ZSWIM4: variants seen among roughly 807,000 people sequenced by gnomAD.
ZSWIM4 encodes the protein zinc finger SWIM domain-containing protein 4.
ZSWIM4 carries 62 observed loss-of-function variants against 102.5 expected under a neutral mutation model. That is an observed-to-expected ratio of 0.60 (90% CI 0.49 to 0.75). The LOEUF (loss-of-function observed/expected upper bound fraction) is 0.75, where lower values mean the gene tolerates loss of function less well. Among genes scored for constraint, ZSWIM4 ranks in the 30% least tolerant of loss-of-function variants. The pLI is 0.00. For missense variants in ZSWIM4, 1,280 were observed against 1,529.6 expected (o/e 0.84, Z 2.72); for synonymous variants, 652 against 674.5 (o/e 0.97, Z 0.52).
chr19:13,809,022 C>T lies in ZSWIM4; in HGVS notation c.861+38C>T, dbSNP rs1279223588. 4 of 1,605,944 alleles carry T rather than the reference C, an allele frequency of 2.5e-6. No homozygotes were observed. Among genetic ancestry groups the T allele is most frequent in the Non-Finnish European group, 3.4e-6 (4 of 1,174,568 alleles). ...CCGGCGGGGCGCGGGGTGCAGAAGG[C>T]CCCGGCGGACGCCCCAGCCCTTCCT... On this transcript the variant is annotated intron_variant, in intron 4 of 13. Transcript: ENST00000590508. The surrounding 1 kb of genome is among the most constrained non-coding windows in gnomAD (Gnocchi z 4.2).
In ZSWIM4 at chr19:13,817,904, C is replaced by T; in HGVS notation, c.1852C>T (p.Leu618=). The T allele has an allele frequency of 6.5e-7, 1 of 1,548,718 alleles. No homozygotes were observed. Among genetic ancestry groups the T allele is most frequent in the Non-Finnish European group, 8.7e-7 (1 of 1,145,694 alleles). ...GCGCAACGAGGAGCAGCTGCTGGCC[C>T]TGCTGGAGGAGGTGGAGTTGGATGA... ...VVRNEEQLLA[L]LEEVELDERL... Residue 618 remains leucine, a synonymous_variant, in exon 9 of 14, where the codon CTG becomes TTG. Transcript: ENST00000590508.
chr19:13,822,271 G>T (rs980763281), intron 10 of ZSWIM4, among the ~76,000 whole-genome samples: 1 of 151,730 alleles, frequency 6.6e-6, no homozygotes, highest in Non-Finnish European at 1.5e-5. Flanking sequence ...TTAGACAACA[G>T]ACTTTTCTAT....
chr19:13,828,186 A>C (rs940703922), intron 12 of ZSWIM4, among the ~76,000 whole-genome samples: 2 of 152,138 alleles, frequency 1.3e-5, no homozygotes, highest in African/African-American at 2.4e-5. Context: ...AGGCGGGCGG[A>C]TCACTTGAGG....
chr19:13,800,640 C>T lies in ZSWIM4; in HGVS notation c.355+719C>T, dbSNP rs571290077. On this transcript the variant is annotated intron_variant, in intron 2 of 13. Transcript: ENST00000590508. Reference sequence around the variant, plus strand: ...GCCGGGATGGTCTCGATCTCCTGACCTCGTGATCCCCCCACCTCGGCCTCC... The same window carrying T: ...GCCGGGATGGTCTCGATCTCCTGACTTCGTGATCCCCCCACCTCGGCCTCC... Among the ~76,000 whole-genome samples, 7 of 152,176 alleles carry T rather than the reference C, an allele frequency of 4.6e-5. No homozygotes were observed. In the South Asian group the frequency reaches 8.3e-4, roughly 18 times the overall value.
In ZSWIM4 at chr19:13,817,863, C is replaced by T. The variant is rs1436520190; in HGVS notation, c.1811C>T (p.Ala604Val). The change falls in exon 9 of 14, where the codon GCC becomes GTC. Residue 604 changes from alanine (A) to valine (V), a missense_variant. Ala to Val is a moderately conservative substitution (Grantham distance 64, BLOSUM62 0). Coordinates refer to ENST00000590508, the MANE Select transcript of ZSWIM4 (RefSeq NM_001367834.3). ...QQRALPEGLY[A>V]QDKVVRNEEQ... ...CGGGCCCTGCCGGAGGGGCTGTACG[C>T]CCAGGACAAGGTGGTGCGCAACGAG... The T allele has an allele frequency of 6.4e-7, 1 of 1,556,818 alleles. No individual in the cohort carries two copies. Among genetic ancestry groups the T allele is most frequent in the Middle Eastern group, 1.8e-4 (1 of 5,520 alleles).
intron 11 of ZSWIM4, among the ~76,000 whole-genome samples, chr19:13,824,534 C>G (rs556408479): frequency 1.1e-4 from 16 of 152,132 alleles, no homozygotes; most frequent in African/African-American, 3.6e-4. Flanking sequence ...GAGTTCGAGA[C>G]CAGCCTGGCC....
At chr19:13,810,571 G>A (rs187612565) in intron 5 of ZSWIM4, among the ~76,000 whole-genome samples, 236 of 151,856 alleles carry the variant, frequency 1.6e-3, no homozygotes, top group South Asian at 4.8e-3. Flanking sequence ...GATTACAGGC[G>A]TGAGCCACCA....
intron 1 of ZSWIM4, among the ~76,000 whole-genome samples, chr19:13,797,379 G>C (rs1226429342): frequency 6.6e-6 from 1 of 152,166 alleles, no homozygotes; most frequent in Non-Finnish European, 1.5e-5. Flanking sequence ...GGCATGGAAG[G>C]GAAACTGAGG....
At chr19:13,817,583 C>A in intron 8 of ZSWIM4, 139 bp from the exon 9 acceptor site, 2 of 1,191,044 alleles carry the variant, frequency 1.7e-6, no homozygotes, top group Non-Finnish European at 2.3e-6. Context: ...CGCGCTCCCC[C>A]AACCCCGTGA....
intron 12 of ZSWIM4, 77 bp from the exon 13 acceptor site, chr19:13,828,568 C>A: frequency 7.7e-7 from 1 of 1,304,678 alleles, no homozygotes; most frequent in Non-Finnish European, 1.1e-6. Flanking sequence ...TTTCTGGGGT[C>A]CTCCATCTCC....
At position 13,799,843 on chromosome 19, in the gene ZSWIM4, G is replaced by A. The variant is rs1052933518; in HGVS notation, c.277G>A (p.Glu93Lys). 2 of 1,613,834 alleles carry A rather than the reference G, an allele frequency of 1.2e-6. No individual in the cohort carries two copies. The highest frequency in any genetic ancestry group is 1.7e-6 in the Non-Finnish European group (2 of 1,180,004). Residue 93 changes from glutamate to lysine, a missense_variant, in exon 2 of 14, where the codon GAG becomes AAG. Physicochemically the swap from Glu to Lys is moderately conservative, Grantham distance 56. Transcript: ENST00000590508. ...SSLGYPPPEG[E>K]HDARVPFTRG... ...GCTGGGTTACCCGCCCCCAGAGGGC[G>A]AGCACGATGCCCGGGTGCCCTTTAC...
At position 13,795,443 on chromosome 19, in the gene ZSWIM4, A is replaced by C; in HGVS notation, c.-206A>C. On this transcript the variant is annotated 5_prime_UTR_variant, in exon 1 of 14. Transcript: ENST00000590508. ...CTAAAGCGGCGGCTGAAGCAGCTTCATTGTTGTGAAGAGTCTTAAAGGGGC... is the reference window on the plus strand; with the variant it reads ...CTAAAGCGGCGGCTGAAGCAGCTTCCTTGTTGTGAAGAGTCTTAAAGGGGC... 5.2e-6 allele frequency: 1 copy of C among 192,922 alleles called. No individual in the cohort carries two copies. Among genetic ancestry groups the C allele is most frequent in the Non-Finnish European group, 1.0e-5 (1 of 95,842 alleles). 12.0% of individuals were successfully genotyped at this position (192,922 alleles called of 1,614,324 possible). A position where few individuals can be genotyped will look rare whatever the true frequency, so the allele number is the denominator to read the frequency against.
chr19:13,810,982 C>T (rs1490390286), intron 5 of ZSWIM4, among the ~76,000 whole-genome samples: 1 of 141,518 alleles, frequency 7.1e-6, no homozygotes, highest in African/African-American at 2.7e-5. Context: ...GGCACGATCT[C>T]GGCTCACTGC....
intron 5 of ZSWIM4, among the ~76,000 whole-genome samples, chr19:13,812,285 G>A (rs1350621716): frequency 6.6e-6 from 1 of 151,622 alleles, no homozygotes; most frequent in Non-Finnish European, 1.5e-5. Flanking sequence ...TTGTTTGTTT[G>A]TTTTTGTTTT....
rs1279963675 is a variant in ZSWIM4, at chr19:13,831,871, C to G, written c.*821C>G. On this transcript the variant is annotated 3_prime_UTR_variant, in exon 14 of 14. Coordinates refer to ENST00000590508, the MANE Select transcript of ZSWIM4 (RefSeq NM_001367834.3). ...CACCCTTTCGCCTCCTGTCTTTCTG[C>G]TTCGCCCCTTCATCTTACTCTGTTT... 6.6e-6 allele frequency: 1 copy of G among 151,574 alleles called. No individual in the cohort carries two copies. The highest frequency in any genetic ancestry group is 2.4e-5 in the African/African-American group (1 of 41,160). 9.4% of individuals were successfully genotyped at this position (151,574 alleles called of 1,614,324 possible).
chr19:13,798,387 A>G (rs544030552), intron 1 of ZSWIM4, among the ~76,000 whole-genome samples: 56 of 152,234 alleles, frequency 3.7e-4, no homozygotes, highest in African/African-American at 1.3e-3. Flanking sequence ...AGCTCAGGCA[A>G]TGCTGCCGCC....
At position 13,809,039 on chromosome 19, in the gene ZSWIM4, G is replaced by A; in HGVS notation, c.862-31G>A. 6.2e-7 allele frequency: 1 copy of A among 1,607,756 alleles called. No individual in the cohort carries two copies. The highest frequency in any genetic ancestry group is 1.1e-5 in the South Asian group (1 of 90,838). On this transcript the variant is annotated intron_variant, in intron 4 of 13. Transcript: ENST00000590508. The surrounding 1 kb of genome is among the most constrained non-coding windows in gnomAD (Gnocchi z 4.2). ...GCAGAAGGCCCCGGCGGACGCCCCA[G>A]CCCTTCCTCACCACCCTGTCCCCGG... is the stretch of plus-strand genomic sequence containing the variant.
intron 3 of ZSWIM4, among the ~76,000 whole-genome samples, chr19:13,807,993 C>A (rs1025151630): frequency 2.0e-5 from 3 of 152,162 alleles, no homozygotes; most frequent in African/African-American, 7.2e-5. Flanking sequence ...AACTTACAAT[C>A]ATGGCGGAAG....
intron 9 of ZSWIM4, 129 bp from the exon 10 acceptor site, chr19:13,819,227 AC>A: frequency 7.9e-7 from 1 of 1,270,662 alleles, no homozygotes; most frequent in Non-Finnish European, 1.1e-6. Flanking sequence ...TACCCCAGAG[AC>A]CCATCTAGCC....
Sources: allele counts gnomAD v4.1 joint callset (sites outside exome capture counted in the v4.1 genomes callset), GRCh38; gene constraint gnomAD v4.1.1; non-coding constraint Gnocchi (gnomAD v3.1); transcripts MANE v1.5; gene names NCBI Gene and HGNC (gene_info 2026-07-23, HGNC 2026-07-21).